The following SARDH variants were observed in gnomAD, a reference collection of about 807,000 sequenced individuals.
SARDH encodes sarcosine dehydrogenase, also known as sarcosine dehydrogenase, mitochondrial.
Under a neutral mutation model 109.1 loss-of-function variants are expected in SARDH, and 95 were observed. That is an observed-to-expected ratio of 0.87 (90% confidence interval 0.74 to 1.03). The LOEUF is 1.03. Among genes scored for constraint, SARDH ranks in the 50% least tolerant of loss-of-function variants. The probability of loss-of-function intolerance (pLI) is 0.00; values close to 1 mark genes in which losing one functional copy is unlikely to be tolerated. For synonymous variants in SARDH, 572 were observed against 534.8 expected (o/e 1.07, Z -0.96); for missense variants, 1,267 against 1,287.8 (o/e 0.98, Z 0.25).
At chr9:133,735,850 C>T (rs1564306156) in intron 1 of SARDH, among the ~76,000 whole-genome samples, 1 of 151,360 alleles carries the variant, frequency 6.6e-6, no homozygotes, top group Non-Finnish European at 1.5e-5. Context: ...TTGAGACCAG[C>T]CTGACCAACA....
Position 133,670,655 on chromosome 9 carries a change from C to G in SARDH, c.2424G>C (p.Leu808=), listed in dbSNP as rs1473757076. 1.1e-5 allele frequency: 17 copies of G among 1,594,896 alleles called. No homozygotes were observed. Among genetic ancestry groups the G allele is most frequent in the Non-Finnish European group, 1.5e-5 (17 of 1,171,626 alleles). Residue 808 remains leucine, a synonymous_variant, in exon 19 of 21, where the codon CTG becomes CTC. Transcript: ENST00000439388. ...GCTGCTGCTCCAGGGCCTCCCTCCC[C>G]AGGAAGGGCACCGGCGACTTGAGCT... ...TCKLKSPVPF[L]GREALEQQRA... is the part of the protein sequence containing the mutation.
In SARDH at chr9:133,663,567, G is replaced by C. The variant is rs1044983996; in HGVS notation, c.*322C>G. ...AGCCTATTTGCTTCGCTGTTTTCAC[G>C]TGGGGCTTATCAAGTATTTACTAAG... is the stretch of plus-strand genomic sequence containing the variant. On this transcript the variant is annotated 3_prime_UTR_variant, in exon 21 of 21. Coordinates refer to ENST00000439388, the MANE Select transcript of SARDH (RefSeq NM_001134707.2). 6.0e-6 allele frequency: 2 copies of C among 335,310 alleles called. No homozygotes were observed. Among genetic ancestry groups the C allele is most frequent in the Non-Finnish European group, 1.1e-5 (2 of 184,082 alleles). The allele number at this position is 335,310 out of a possible 1,614,324, so 20.8% of individuals were successfully genotyped here.
rs375896067 is a variant in SARDH at position 133,730,111 on chromosome 9, T to G, written c.767A>C (p.Glu256Ala). The G allele has an allele frequency of 6.2e-7, 1 of 1,614,112 alleles. No individual in the cohort carries two copies. The highest frequency in any genetic ancestry group is 1.3e-5 in the African/African-American group (1 of 75,032). ...DFGVRRVAGV[E>A]TQHGSIQTPC... ...TGTCTGGATGGAACCATGCTGAGTCTCCACACCCGCGACCCGCCGCACCCC... is the reference window on the plus strand; with the variant it reads ...TGTCTGGATGGAACCATGCTGAGTCGCCACACCCGCGACCCGCCGCACCCC... Residue 256 changes from glutamate to alanine, a missense_variant, in exon 5 of 21, where the codon GAG becomes GCG. Coordinates refer to ENST00000439388, the MANE Select transcript of SARDH (RefSeq NM_001134707.2).
intron 6 of SARDH, among the ~76,000 whole-genome samples, chr9:133,719,621 C>A (rs1490643043): frequency 1.3e-5 from 2 of 151,766 alleles, no homozygotes; most frequent in East Asian, 3.9e-4. Context: ...GGAGAGTGGA[C>A]TGCCATCCCC....
At chr9:133,682,757 C>A (rs1256564655) in intron 17 of SARDH, among the ~76,000 whole-genome samples, 1 of 102,552 alleles carries the variant, frequency 9.8e-6, no homozygotes, top group Non-Finnish European at 1.8e-5. Flanking sequence ...TGCACTCAGC[C>A]CCTGTGCTGA....
chr9:133,704,991 C>G lies in SARDH; in HGVS notation c.1511G>C (p.Gly504Ala). ...GQGCVFQERH[G>A]WERPGWFHPR... ...ATGAAACCATCCCGGTCGCTCCCAGCCATGCCGCTCCTGGAACACGCAGCC... is the reference window on the plus strand; with the variant it reads ...ATGAAACCATCCCGGTCGCTCCCAGGCATGCCGCTCCTGGAACACGCAGCC... The change falls in exon 12 of 21, where the codon GGC becomes GCC. Residue 504 changes from glycine to alanine, a missense_variant. Physicochemically the swap from Gly to Ala is moderately conservative, Grantham distance 60 (BLOSUM62 0). Transcript: ENST00000439388. The surrounding 1 kb of genome is among the most constrained non-coding windows in gnomAD (Gnocchi z 4.5). 2 of 1,590,220 alleles carry G rather than the reference C, an allele frequency of 1.3e-6. No homozygotes were observed. The highest frequency in any genetic ancestry group is 1.7e-6 in the Non-Finnish European group (2 of 1,169,358).
chr9:133,706,288 G>A (rs564551536), intron 11 of SARDH, among the ~76,000 whole-genome samples: 3 of 152,292 alleles, frequency 2.0e-5, no homozygotes, highest in Admixed American at 6.5e-5. Flanking sequence ...AAAAAGCAAC[G>A]AAATTTGGAC....
chr9:133,698,221 G>A (rs1831360796), intron 13 of SARDH, among the ~76,000 whole-genome samples: 2 of 152,000 alleles, frequency 1.3e-5, no homozygotes, highest in African/African-American at 4.8e-5. Context: ...TAATTAAAAA[G>A]TCCCAAACTT....
intron 19 of SARDH, among the ~76,000 whole-genome samples, chr9:133,668,304 C>CCCCACCTTCCCT (rs1175563633): frequency 7.4e-6 from 1 of 135,656 alleles, no homozygotes; most frequent in Non-Finnish European, 1.6e-5. Context: ...CCTCCCTCTC[C>CCCCACCTTCCCT]CTCCCTCTCC....
At chr9:133,667,740 C>T (rs935024064) in intron 19 of SARDH, among the ~76,000 whole-genome samples, 1 of 152,136 alleles carries the variant, frequency 6.6e-6, no homozygotes, top group African/African-American at 2.4e-5. Flanking sequence ...AGGGCACCTC[C>T]TGCATCCTCA....
intron 19 of SARDH, among the ~76,000 whole-genome samples, chr9:133,668,278 C>G (rs1161554944): frequency 2.9e-5 from 1 of 34,652 alleles, no homozygotes; most frequent in Non-Finnish European, 5.6e-5. Context: ...ACTCACCGTC[C>G]CTCTCCCTCC....
chr9:133,695,126 A>G (rs2131393877), intron 14 of SARDH, among the ~76,000 whole-genome samples: 1 of 152,330 alleles, frequency 6.6e-6, no homozygotes, highest in East Asian at 1.9e-4. Flanking sequence ...AAGTGAGGTC[A>G]TGAGTGTGGG....
intron 17 of SARDH, among the ~76,000 whole-genome samples, chr9:133,672,383 T>C (rs1362119169): frequency 6.6e-6 from 1 of 152,198 alleles, no homozygotes; most frequent in African/African-American, 2.4e-5. Flanking sequence ...GATGTAGATA[T>C]ATGTTTTGGG....
intron 14 of SARDH, among the ~76,000 whole-genome samples, chr9:133,695,323 A>C (rs891028830): frequency 6.6e-6 from 1 of 152,188 alleles, no homozygotes. Flanking sequence ...TGCGCCTGTA[A>C]TCCCAGCTAC....
rs75908519 is a variant in SARDH, at chr9:133,724,612, G to A, written c.915+5153C>T. 9.9e-3 allele frequency among the ~76,000 whole-genome samples: 1,503 copies of A among 152,324 alleles called. 48 individuals carry two copies. The highest frequency in any genetic ancestry group is 0.085 in the East Asian group (441 of 5,182). Reference sequence around the variant, plus strand: ...TCTTTGGAAAATAGTCCGACAGTTCGTTGAAATGTTAAATAGAGTTACCAT... The same window carrying A: ...TCTTTGGAAAATAGTCCGACAGTTCATTGAAATGTTAAATAGAGTTACCAT... On this transcript the variant is annotated intron_variant, in intron 6 of 20. Coordinates refer to ENST00000439388, the MANE Select transcript of SARDH (RefSeq NM_001134707.2).
intron 16 of SARDH, among the ~76,000 whole-genome samples, chr9:133,688,620 C>T (rs7024668): frequency 0.077 from 11,791 of 152,266 alleles, 1,353 homozygotes; most frequent in African/African-American, 0.25. Flanking sequence ...GCTGGGCCTC[C>T]AGTATCTCAC....
At chr9:133,689,146 C>G (rs1292656286) in intron 16 of SARDH, among the ~76,000 whole-genome samples, 1 of 151,242 alleles carries the variant, frequency 6.6e-6, no homozygotes, top group African/African-American at 2.4e-5. Context: ...CAAGTGCTCA[C>G]CTCGGCGACC....
intron 11 of SARDH, among the ~76,000 whole-genome samples, chr9:133,708,060 C>A (rs1021339401): frequency 1.3e-5 from 2 of 152,142 alleles, no homozygotes; most frequent in African/African-American, 2.4e-5. Context: ...ACAACAGAAG[C>A]CCCCGGGTGG....
At chr9:133,701,960 C>T (rs186857048) in intron 13 of SARDH, among the ~76,000 whole-genome samples, 1 of 152,240 alleles carries the variant, frequency 6.6e-6, no homozygotes, top group African/African-American at 2.4e-5. Context: ...TTCAAGGCAA[C>T]GGACGACCGC....
Sources: allele counts gnomAD v4.1 joint callset (sites outside exome capture counted in the v4.1 genomes callset), GRCh38; gene constraint gnomAD v4.1.1; non-coding constraint Gnocchi (gnomAD v3.1); transcripts MANE v1.5; gene names NCBI Gene and HGNC (gene_info 2026-07-23, HGNC 2026-07-21).